The following NAV2 variants were observed in gnomAD, a reference collection of about 807,000 sequenced individuals.
The protein encoded by NAV2 is neuron navigator 2, also known as helicase, APC down-regulated 1.
NAV2 carries 54 observed loss-of-function variants against 223.2 expected under a neutral mutation model. That is an observed-to-expected ratio of 0.24 (90% CI 0.19 to 0.30). The LOEUF (loss-of-function observed/expected upper bound fraction) is 0.30, where lower values mean the gene tolerates loss of function less well. Among genes scored for constraint, NAV2 ranks in the 10% least tolerant of loss-of-function variants. The pLI is 1.00. For missense variants in NAV2, 2,806 were observed against 3,147.5 expected (o/e 0.89, Z 2.60); for synonymous variants, 1,279 against 1,239.3 (o/e 1.03, Z -0.67).
intron 1 of NAV2, among the ~76,000 whole-genome samples, chr11:19,440,738 G>A (rs1329978148): frequency 6.6e-6 from 1 of 152,156 alleles, no homozygotes; most frequent in Admixed American, 6.5e-5. Flanking sequence ...TCCTGGCATC[G>A]ACTAGGCATT....
At chr11:19,778,370 T>A (rs1385466191) in intron 1 of NAV2, 1 of 455,796 alleles carries the variant, frequency 2.2e-6, no homozygotes, top group South Asian at 1.5e-5. Flanking sequence ...CTTGTAGAAC[T>A]AGTGCCAGGA....
At chr11:19,441,589 C>G (rs1373603346) in intron 1 of NAV2, among the ~76,000 whole-genome samples, 1 of 152,166 alleles carries the variant, frequency 6.6e-6, no homozygotes, top group Non-Finnish European at 1.5e-5. Flanking sequence ...CTTTTAGAAA[C>G]AACCCACTCC....
intron 1 of NAV2, among the ~76,000 whole-genome samples, chr11:19,407,114 C>T (rs1849930462): frequency 6.6e-6 from 1 of 152,222 alleles, no homozygotes; most frequent in African/African-American, 2.4e-5. Context: ...CCACTTAGGA[C>T]AGCTGCCTCC....
chr11:19,851,598 T>A (rs1372493360), intron 3 of NAV2, among the ~76,000 whole-genome samples: 1 of 152,202 alleles, frequency 6.6e-6, no homozygotes, highest in Non-Finnish European at 1.5e-5. Flanking sequence ...AGGCACCTGG[T>A]CTCATCCTGG....
chr11:20,077,845 A>T, intron 23 of NAV2, 148 bp from the exon 24 acceptor site: 1 of 721,022 alleles, frequency 1.4e-6, no homozygotes, highest in South Asian at 1.8e-5. Flanking sequence ...TCCTACTTTT[A>T]TGTGTTTGTT....
At position 19,747,762 on chromosome 11, in the gene NAV2, G is replaced by A. The variant is rs1295416769; in HGVS notation, c.267+33800G>A. On this transcript the variant is annotated intron_variant, in intron 1 of 37. Coordinates refer to ENST00000349880, the MANE Select transcript of NAV2 (RefSeq NM_145117.5). ...TTTTTCAAACTAAAAACTAAGCTGAGTTGGGCTACACTATTTACTTAATGC... is the reference window on the plus strand; with the variant it reads ...TTTTTCAAACTAAAAACTAAGCTGAATTGGGCTACACTATTTACTTAATGC... Among the ~76,000 whole-genome samples the A allele has an allele frequency of 3.3e-5, 5 of 152,232 alleles. No homozygotes were observed. In the East Asian group the frequency reaches 9.6e-4, roughly 29 times the overall value.
intron 36 of NAV2, among the ~76,000 whole-genome samples, chr11:20,112,340 A>G (rs1358484042): frequency 6.6e-6 from 1 of 152,178 alleles, no homozygotes; most frequent in Non-Finnish European, 1.5e-5. Context: ...AAGACTTAGC[A>G]ACAGACTGGG....
chr11:19,540,699 C>G (rs979361830), intron 1 of NAV2, among the ~76,000 whole-genome samples: 1 of 152,218 alleles, frequency 6.6e-6, no homozygotes, highest in Non-Finnish European at 1.5e-5. Flanking sequence ...CTGACCCAAT[C>G]CCTTTCTTGG....
At chr11:19,744,118 A>G (rs2152470493) in intron 1 of NAV2, among the ~76,000 whole-genome samples, 1 of 152,352 alleles carries the variant, frequency 6.6e-6, no homozygotes, top group East Asian at 1.9e-4. Context: ...TTACAGATGA[A>G]GAAACTGAGG....
intron 1 of NAV2, among the ~76,000 whole-genome samples, chr11:19,552,372 T>A (rs2044716238): frequency 6.6e-6 from 1 of 152,148 alleles, no homozygotes; most frequent in Non-Finnish European, 1.5e-5. Flanking sequence ...TCTGCCTCTC[T>A]ACACTTCTCT....
intron 1 of NAV2, among the ~76,000 whole-genome samples, chr11:19,454,468 C>T (rs1224484047): frequency 6.6e-6 from 1 of 152,178 alleles, no homozygotes; most frequent in Non-Finnish European, 1.5e-5. Flanking sequence ...TGTTAATTGA[C>T]ATTTACTGTG....
intron 1 of NAV2, among the ~76,000 whole-genome samples, chr11:19,608,244 A>C (rs1054967752): frequency 9.2e-5 from 14 of 152,376 alleles, no homozygotes; most frequent in Admixed American, 9.1e-4. Context: ...AGGTGTGTTC[A>C]TAAGTGGTAA....
chr11:19,457,085 C>T (rs1248093299), intron 1 of NAV2, among the ~76,000 whole-genome samples: 1 of 152,152 alleles, frequency 6.6e-6, no homozygotes, highest in Non-Finnish European at 1.5e-5. Context: ...CTAGACCCTG[C>T]TCAAGGCTCA....
intron 24 of NAV2, among the ~76,000 whole-genome samples, chr11:20,078,540 C>T (rs2059900716): frequency 6.6e-6 from 1 of 152,152 alleles, no homozygotes; most frequent in Admixed American, 6.5e-5. Flanking sequence ...CTCACTGCAA[C>T]CTCTACTTCC....
intron 1 of NAV2, among the ~76,000 whole-genome samples, chr11:19,434,934 G>C (rs1259426861): frequency 7.1e-6 from 1 of 139,920 alleles, no homozygotes; most frequent in Non-Finnish European, 1.5e-5. Context: ...TTCTCACACT[G>C]ATATCCAGTT....
chr11:19,548,853 G>T (rs2044593605), intron 1 of NAV2, among the ~76,000 whole-genome samples: 1 of 144,442 alleles, frequency 6.9e-6, no homozygotes, highest in African/African-American at 2.6e-5. Flanking sequence ...ACTCCAGCCT[G>T]GGTGACACAT....
rs573232010 is a variant in NAV2 at position 19,658,198 on chromosome 11, G to A, written c.76-174286G>A. 1.1e-4 allele frequency among the ~76,000 whole-genome samples: 16 copies of A among 152,234 alleles called. No homozygotes were observed. The South Asian group carries it at 2.3e-3, about 22-fold the overall frequency. On this transcript the variant is annotated intron_variant, in intron 1 of 37. Coordinates refer to the NAV2 transcript ENST00000360655. Reference sequence around the variant, plus strand: ...CATTTCACAACTTAAGAAACTAAGCGCAGAGAGGTTGAGTAACCTGCCTAG... The same window carrying A: ...CATTTCACAACTTAAGAAACTAAGCACAGAGAGGTTGAGTAACCTGCCTAG...
intron 1 of NAV2, among the ~76,000 whole-genome samples, chr11:19,401,695 A>G (rs1849692482): frequency 6.6e-6 from 1 of 152,234 alleles, no homozygotes. Flanking sequence ...ATACATTTGC[A>G]TTCTTCTGAG....
In NAV2 at chr11:19,920,384, T is replaced by G. The variant is rs756509572; in HGVS notation, c.932-12792T>G. 5.1e-4 allele frequency among the ~76,000 whole-genome samples: 78 copies of G among 152,132 alleles called. 1 individual carries two copies. Among genetic ancestry groups the G allele is most frequent in the Non-Finnish European group, 4.3e-4 (29 of 68,020 alleles). ...CTCACTGCAACCTCTGCCTCCCAGGTTCAAGCGATTCCCCTGCCTCAGCCT... is the reference window on the plus strand; with the variant it reads ...CTCACTGCAACCTCTGCCTCCCAGGGTCAAGCGATTCCCCTGCCTCAGCCT... On this transcript the variant is annotated intron_variant, in intron 6 of 37. Coordinates refer to ENST00000349880, the MANE Select transcript of NAV2 (RefSeq NM_145117.5).
Sources: gnomAD v4.1 joint callset for allele counts (sites outside exome capture counted in the v4.1 genomes callset) on GRCh38, gnomAD v4.1.1 for gene constraint, MANE v1.5 for transcripts, NCBI Gene and HGNC (gene_info 2026-07-23, HGNC 2026-07-21) for gene names.